PLEKHD1: variants seen among roughly 807,000 people sequenced by gnomAD.
PLEKHD1 encodes the protein pleckstrin homology and coiled-coil domain containing D1.
PLEKHD1 carries 51 observed loss-of-function variants against 69.2 expected under a neutral mutation model. The ratio of observed to expected loss-of-function variants is 0.74; its 90% CI spans 0.59 to 0.93. PLEKHD1 has a LOEUF of 0.93. Among genes scored for constraint, PLEKHD1 ranks in the 40% least tolerant of loss-of-function variants. The probability of loss-of-function intolerance (pLI) is 0.00; values close to 1 mark genes in which losing one functional copy is unlikely to be tolerated. For synonymous variants in PLEKHD1, 236 were observed against 244.7 expected (o/e 0.96, Z 0.33); for missense variants, 584 against 641.0 (o/e 0.91, Z 0.96).
At position 69,529,503 on chromosome 14, in the gene PLEKHD1, T is replaced by A. The variant is rs1883744550; in HGVS notation, c.*1084T>A. ...AGGTTGAGGCTGCAGTGAGCTGAGA[T>A]TGTGCCACTGCACTCCAGCCAGGGT... On this transcript the variant is annotated 3_prime_UTR_variant, in exon 13 of 13. Coordinates refer to ENST00000322564, the MANE Select transcript of PLEKHD1 (RefSeq NM_001161498.2). The A allele has an allele frequency of 6.5e-6, 1 of 153,172 alleles. No homozygotes were observed. The highest frequency in any genetic ancestry group is 2.4e-5 in the African/African-American group (1 of 41,444). The allele number at this position is 153,172 out of a possible 1,614,324, so 9.5% of individuals were successfully genotyped here.
chr14:69,519,090 T>C (rs776425989), intron 6 of PLEKHD1, among the ~76,000 whole-genome samples: 6 of 151,958 alleles, frequency 3.9e-5, no homozygotes, highest in Non-Finnish European at 8.8e-5. Context: ...GAGACAGAGA[T>C]GGTTTATGAG....
chr14:69,500,352 C>T (rs1357649107), intron 2 of PLEKHD1, 144 bp downstream of exon 2: 1 of 769,982 alleles, frequency 1.3e-6, no homozygotes, highest in Non-Finnish European at 2.1e-6. Flanking sequence ...CAAAAGACCC[C>T]CTGCCCCTGT....
Position 69,501,771 on chromosome 14 carries a change from A to G in PLEKHD1, c.448A>G (p.Lys150Glu), listed in dbSNP as rs1341227873. ...KNAQLGEAMI[K>E]SLEAQGLQLA... ...TGCCCAGCTGGGAGAAGCCATGATC[A>G]AAAGCCTGGAGGCCCAGGGGCTGCA... The change falls in exon 5 of 13, where the codon AAA (lysine) becomes GAA (glutamate). Residue 150 changes from lysine to glutamate, a missense_variant. Physicochemically the swap from Lys to Glu is moderately conservative, Grantham distance 56. Transcript: ENST00000322564. The G allele has an allele frequency of 1.3e-6, 2 of 1,551,632 alleles. No individual in the cohort carries two copies. Among genetic ancestry groups the G allele is most frequent in the Non-Finnish European group, 1.7e-6 (2 of 1,146,920 alleles).
intron 7 of PLEKHD1, among the ~76,000 whole-genome samples, chr14:69,523,525 G>T (rs903189815): frequency 2.0e-5 from 3 of 152,124 alleles, no homozygotes; most frequent in Non-Finnish European, 4.4e-5. Flanking sequence ...AGGAATAGAA[G>T]ACAAGTCCAC....
Position 69,527,314 on chromosome 14 carries a change from G to A in PLEKHD1, c.1183G>A (p.Asp395Asn). 1 of 1,551,734 alleles carries A rather than the reference G, an allele frequency of 6.4e-7. No individual in the cohort carries two copies. The highest frequency in any genetic ancestry group is 8.7e-7 in the Non-Finnish European group (1 of 1,147,010). The change falls in exon 11 of 13, where the codon GAT becomes AAT. Residue 395 changes from aspartate (D) to asparagine (N), a missense_variant. Asp to Asn is a conservative substitution (Grantham distance 23). Coordinates refer to ENST00000322564, the MANE Select transcript of PLEKHD1 (RefSeq NM_001161498.2). ...NKEKEERMRA[D>N]VSHLKRFFEE... The stretch of plus-strand genomic sequence containing the variant: ...GGAGAAGGAGGAGAGGATGCGGGCT[G>A]ATGTGAGCCATCTGAAAAGTAAGCC...
chr14:69,494,005 G>C (rs1013983079), intron 1 of PLEKHD1, among the ~76,000 whole-genome samples: 1 of 152,200 alleles, frequency 6.6e-6, no homozygotes, highest in African/African-American at 2.4e-5. Flanking sequence ...GGCCAGCTGG[G>C]CTGGAGCCAA....
intron 7 of PLEKHD1, 98 bp downstream of exon 7, chr14:69,522,475 C>T: frequency 3.9e-6 from 5 of 1,274,170 alleles, no homozygotes; most frequent in Non-Finnish European, 5.5e-6. Context: ...CTCAGAGATG[C>T]TATCTTCCCA....
chr14:69,490,403 C>A (rs1882752070), intron 1 of PLEKHD1, among the ~76,000 whole-genome samples: 1 of 152,176 alleles, frequency 6.6e-6, no homozygotes. Context: ...GCGGTAATGC[C>A]AGCCACGGGG....
At chr14:69,500,695 C>A in intron 3 of PLEKHD1, 29 bp downstream of exon 3, 1 of 1,547,278 alleles carries the variant, frequency 6.5e-7, no homozygotes, top group Non-Finnish European at 8.7e-7. Context: ...TCAGCCTGGG[C>A]TCCGCAGGAG....
intron 6 of PLEKHD1, among the ~76,000 whole-genome samples, chr14:69,516,049 C>T (rs891885838): frequency 6.6e-6 from 1 of 152,130 alleles, no homozygotes. Context: ...CACTATGTTG[C>T]CCAGGATGGT....
At chr14:69,519,139 C>T (rs540749043) in intron 6 of PLEKHD1, among the ~76,000 whole-genome samples, 1 of 152,134 alleles carries the variant, frequency 6.6e-6, no homozygotes, top group South Asian at 2.1e-4. Flanking sequence ...TGAAATAGAA[C>T]GCTCTCATTG....
At chr14:69,506,338 A>G (rs1883150486) in intron 6 of PLEKHD1, among the ~76,000 whole-genome samples, 1 of 152,242 alleles carries the variant, frequency 6.6e-6, no homozygotes, top group African/African-American at 2.4e-5. Flanking sequence ...GAATTGTGGC[A>G]GGGCTTAGCA....
chr14:69,515,870 C>G (rs1473846289), intron 6 of PLEKHD1, among the ~76,000 whole-genome samples: 1 of 152,244 alleles, frequency 6.6e-6, no homozygotes, highest in Admixed American at 6.5e-5. Flanking sequence ...TACATTTCAA[C>G]ATGAGATTCG....
chr14:69,491,482 A>G (rs529100973), intron 1 of PLEKHD1, among the ~76,000 whole-genome samples: 1 of 152,308 alleles, frequency 6.6e-6, no homozygotes, highest in East Asian at 1.9e-4. Context: ...ATTGTCCTAC[A>G]GGATTTTCCC....
intron 6 of PLEKHD1, among the ~76,000 whole-genome samples, chr14:69,512,775 T>A (rs572906598): frequency 9.2e-5 from 14 of 152,134 alleles, no homozygotes; most frequent in African/African-American, 2.2e-4. Flanking sequence ...TATTTTATAT[T>A]TGTGGTCTGG....
chr14:69,471,328 C>G, the PLEKHD1 span, among the ~76,000 whole-genome samples: 3 of 151,812 alleles, frequency 2.0e-5, no homozygotes, highest in Non-Finnish European at 4.4e-5. Flanking sequence ...CTAGGCTGAT[C>G]TCAAACTCCT....
intron 1 of PLEKHD1, among the ~76,000 whole-genome samples, chr14:69,492,740 G>A (rs566894851): frequency 5.3e-5 from 8 of 152,304 alleles, no homozygotes; most frequent in Admixed American, 2.6e-4. Context: ...CACAAAGGAG[G>A]AGCTTGATAA....
intron 1 of PLEKHD1, among the ~76,000 whole-genome samples, chr14:69,487,438 A>G (rs1882679150): frequency 6.6e-6 from 1 of 152,246 alleles, no homozygotes; most frequent in Non-Finnish European, 1.5e-5. Context: ...GAGCCTTGCC[A>G]TTAGGGCGAT....
chr14:69,503,559 C>A (rs867424094), intron 6 of PLEKHD1: 1 of 152,144 alleles, frequency 6.6e-6, no homozygotes, highest in African/African-American at 2.4e-5. Flanking sequence ...GGCGTGGTAG[C>A]GGGCGCCTGT....
Sources: gnomAD v4.1 joint callset for allele counts (sites outside exome capture counted in the v4.1 genomes callset) on GRCh38, gnomAD v4.1.1 for gene constraint, MANE v1.5 for transcripts, NCBI Gene and HGNC (gene_info 2026-07-23, HGNC 2026-07-21) for gene names.